Variants in GPS1 observed in about 807,000 individuals in gnomAD.
GPS1 encodes the protein G protein pathway suppressor 1.
In GPS1, 11 loss-of-function variants were observed where a neutral mutation model predicts 60.0. The ratio of observed to expected loss-of-function variants is 0.18; its 90% CI spans 0.12 to 0.30. The LOEUF is 0.30. GPS1 is among the 10% of genes least tolerant of loss of function. The pLI, the probability that GPS1 is intolerant of heterozygous loss-of-function variation, is 1.00. For missense variants in GPS1, 543 were observed against 669.2 expected, an observed-to-expected ratio of 0.81 and a Z score of 2.08; for synonymous variants, 343 against 269.8, an observed-to-expected ratio of 1.27 and a Z score of -2.66.
Position 82,054,598 on chromosome 17 carries a change from A to G in GPS1, c.397A>G (p.Lys133Glu). The G allele has an allele frequency of 6.2e-7, 1 of 1,606,440 alleles. No homozygotes were observed. The highest frequency in any genetic ancestry group is 8.5e-7 in the Non-Finnish European group (1 of 1,177,978). Residue 133 changes from lysine (K) to glutamate (E), a missense_variant, in exon 4 of 13, where the codon AAG (lysine) becomes GAG (glutamate). Around this residue, in one of 3 missense-constraint regions of GPS1, gnomAD observed 181 missense variants for 188.8 expected, o/e 0.96. Transcript: ENST00000578552. ...DTAWVEATRK[K>E]ALLKLEKLDT... ...GGCCTGGGTGGAGGCCACGCGGAAG[A>G]AGGCGCTGCTGAAGCTGGAGAAGCT...
In GPS1 at chr17:82,057,192, A is replaced by T. The variant is rs1303059561; in HGVS notation, c.*65A>T. The T allele has an allele frequency of 1.9e-6, 3 of 1,576,778 alleles. No individual in the cohort carries two copies. Among genetic ancestry groups the T allele is most frequent in the Admixed American group, 3.5e-5 (2 of 57,246 alleles). ...CCACCTCCACGGACCTCGGACCTCC[A>T]GGCGGCTCAGTGCTGCCTGCGGCCC... On this transcript the variant is annotated 3_prime_UTR_variant, in exon 13 of 13. Transcript: ENST00000578552.
intron 1 of GPS1, 164 bp downstream of exon 1, chr17:82,052,128 G>A (rs2030841339): frequency 1.1e-6 from 1 of 914,858 alleles, no homozygotes; most frequent in Non-Finnish European, 1.4e-6. Flanking sequence ...AGGGCCGAGG[G>A]CGCGTCTCCG....
chr17:82,051,501 T>A, upstream of GPS1: 1 of 1,378,802 alleles, frequency 7.3e-7, no homozygotes, highest in East Asian at 3.2e-5. The surrounding 1 kb of genome is among the most constrained non-coding windows in gnomAD (Gnocchi z 4.1). Flanking sequence ...CCGGCGCACC[T>A]GCTGGCGGGC....
chr17:82,052,006 C>G, intron 1 of GPS1, 42 bp downstream of exon 1: 3 of 1,142,794 alleles, frequency 2.6e-6, no homozygotes, highest in Non-Finnish European at 3.2e-6. Context: ...GCCCCCGCGC[C>G]CCCCGCCACT....
intron 1 of GPS1, chr17:82,052,902 C>T (rs1598485316): frequency 4.1e-6 from 1 of 244,726 alleles, no homozygotes; most frequent in East Asian, 9.2e-5. Context: ...CCGTTCTTCT[C>T]CGTGGCTTGG....
At position 82,057,258 on chromosome 17, in the gene GPS1, G is replaced by A. The variant is rs1444215699; in HGVS notation, c.*131G>A. On this transcript the variant is annotated 3_prime_UTR_variant, in exon 13 of 13. Transcript: ENST00000578552. The stretch of plus-strand genomic sequence containing the variant: ...CCACTGGGTGCCACCCAGCCTGTGT[G>A]CCCTCCCTGGGGCTGAGGAGGCAGG... The A allele has an allele frequency of 1.7e-6, 2 of 1,209,254 alleles. No individual in the cohort carries two copies. The highest frequency in any genetic ancestry group is 1.3e-5 in the South Asian group (1 of 78,906). 74.9% of individuals were successfully genotyped at this position (1,209,254 alleles called of 1,614,324 possible).
chr17:82,054,060 G>C lies in GPS1; in HGVS notation c.308+11G>C. On this transcript the variant is annotated intron_variant, in intron 3 of 12. Transcript: ENST00000578552. ...CTCAGAGGCCACCAGGTGAGGCCAG[G>C]GGCTTGGCGAGAGGAAGCAGAGGCC... The C allele has an allele frequency of 5.6e-6, 9 of 1,600,178 alleles. No homozygotes were observed. The highest frequency in any genetic ancestry group is 7.7e-6 in the Non-Finnish European group (9 of 1,171,818).
chr17:82,052,552 C>G, intron 1 of GPS1: 1 of 1,443,080 alleles, frequency 6.9e-7, no homozygotes. Context: ...CTCTGCTGGC[C>G]GAGGACAGGG....
chr17:82,056,945 G>A lies in GPS1; in HGVS notation c.1360G>A (p.Ala454Thr). The A allele has an allele frequency of 1.2e-6, 2 of 1,612,920 alleles. No individual in the cohort carries two copies. The highest frequency in any genetic ancestry group is 1.7e-6 in the Non-Finnish European group (2 of 1,179,952). ...CGCCAAGGCCATGATGCTGCGGGCA[G>A]CTGTGCTCCGCAACCAGATCCATGT... is the stretch of plus-strand genomic sequence containing the variant. ...RRAKAMMLRA[A>T]VLRNQIHVKS... is the part of the protein sequence containing the mutation. The change falls in exon 12 of 13, where the codon GCT becomes ACT. Residue 454 changes from alanine to threonine, a missense_variant. Around this residue, in one of 3 missense-constraint regions of GPS1, gnomAD observed 291 missense variants for 353.7 expected, o/e 0.82. Coordinates refer to ENST00000578552, the MANE Select transcript of GPS1 (RefSeq NM_001321092.3).
Position 82,056,410 on chromosome 17 carries a change from A to T in GPS1, c.1035+19A>T, listed in dbSNP as rs748352786. 4.4e-6 allele frequency: 7 copies of T among 1,603,716 alleles called. No individual in the cohort carries two copies. Among genetic ancestry groups the T allele is most frequent in the Non-Finnish European group, 6.0e-6 (7 of 1,171,816 alleles). On this transcript the variant is annotated intron_variant, in intron 9 of 12. Coordinates refer to ENST00000578552, the MANE Select transcript of GPS1 (RefSeq NM_001321092.3). ...GATGAAGGTGGGCCCCGCCTGGGGT[A>T]GGGGTGAGGTGGGGCCCTGCCTGGC...
intron 2 of GPS1, 179 bp downstream of exon 2, chr17:82,053,545 C>G (rs2031636297): frequency 7.5e-6 from 4 of 536,226 alleles, no homozygotes; most frequent in Non-Finnish European, 1.3e-5. Context: ...GCTTGTAGCT[C>G]AGCTTCAGAT....
Position 82,057,253 on chromosome 17 carries a change from T to C in GPS1, c.*126T>C. On this transcript the variant is annotated 3_prime_UTR_variant, in exon 13 of 13. Transcript: ENST00000578552. ...CCTGGCCACTGGGTGCCACCCAGCCTGTGTGCCCTCCCTGGGGCTGAGGAG... is the reference window on the plus strand; with the variant it reads ...CCTGGCCACTGGGTGCCACCCAGCCCGTGTGCCCTCCCTGGGGCTGAGGAG... The C allele has an allele frequency of 8.0e-7, 1 of 1,243,344 alleles. No homozygotes were observed. The highest frequency in any genetic ancestry group is 1.2e-6 in the Non-Finnish European group (1 of 861,066). 77.0% of individuals were successfully genotyped at this position (1,243,344 alleles called of 1,614,324 possible).
intron 1 of GPS1, chr17:82,052,377 G>A: frequency 1.2e-6 from 2 of 1,612,544 alleles, no homozygotes; most frequent in East Asian, 2.2e-5. Context: ...CCTCACAGCA[G>A]TAGGTCAGAC....
upstream of GPS1, chr17:82,051,323 C>A: frequency 6.9e-7 from 1 of 1,448,194 alleles, no homozygotes. The surrounding 1 kb of genome is among the most constrained non-coding windows in gnomAD (Gnocchi z 4.1). Flanking sequence ...AGGGTCGTCC[C>A]CGTCGGTGAA....
Position 82,054,708 on chromosome 17 carries a change from G to A in GPS1, c.507G>A (p.Leu169=), listed in dbSNP as rs1272606907. The change falls in exon 4 of 13, where the codon CTG becomes CTA. Residue 169 remains leucine, a synonymous_variant. Transcript: ENST00000578552. ...RGHDDLGDHY[L]DCGDLSNALK... is the part of the protein sequence containing the mutation. ...ACGACGACCTGGGCGACCACTACCT[G>A]GACTGTGGGGACCTCAGCAACGCCC... 4 of 1,612,146 alleles carry A rather than the reference G, an allele frequency of 2.5e-6. No individual in the cohort carries two copies. The highest frequency in any genetic ancestry group is 3.4e-6 in the Non-Finnish European group (4 of 1,179,960).
Position 82,057,039 on chromosome 17 carries a change from T to C in GPS1, c.1390-14T>C. 1 of 1,606,688 alleles carries C rather than the reference T, an allele frequency of 6.2e-7. No homozygotes were observed. The highest frequency in any genetic ancestry group is 8.5e-7 in the Non-Finnish European group (1 of 1,176,106). On this transcript the variant is annotated splice_polypyrimidine_tract_variant and intron_variant, in intron 12 of 12. Coordinates refer to ENST00000578552, the MANE Select transcript of GPS1 (RefSeq NM_001321092.3). The stretch of plus-strand genomic sequence containing the variant: ...GGCCTGGTGGCTGTGAGCTGCTCCT[T>C]GTCTCCCCTGCAGTCCCCGCCCAGA...
At chr17:82,052,735 C>G (rs1283876020) in intron 1 of GPS1, 1 of 481,364 alleles carries the variant, frequency 2.1e-6, no homozygotes, top group Non-Finnish European at 3.8e-6. Flanking sequence ...CCTGGCTTCT[C>G]TGTGTCTCCC....
At chr17:82,055,713 C>T (rs574861662) in intron 6 of GPS1, 27 bp from the exon 7 acceptor site, 7 of 1,491,152 alleles carry the variant, frequency 4.7e-6, no homozygotes, top group South Asian at 3.6e-5. Flanking sequence ...CCTCTCCCCC[C>T]TCCCCGCCCC....
chr17:82,055,014 C>T (rs2032199329), intron 5 of GPS1, 39 bp downstream of exon 5: 4 of 1,611,110 alleles, frequency 2.5e-6, no homozygotes, highest in African/African-American at 2.7e-5. Flanking sequence ...CCCCAGGATT[C>T]CTGACCACTG....
Sources: gnomAD v4.1 joint callset for allele counts on GRCh38, gnomAD v4.1.1 for gene constraint, gnomAD v4.1.1 regional missense constraint, Gnocchi (gnomAD v3.1) non-coding constraint, MANE v1.5 for transcripts, NCBI Gene and HGNC (gene_info 2026-07-23, HGNC 2026-07-21) for gene names.